IFT88: variants seen among roughly 807,000 people sequenced by gnomAD.
IFT88 encodes the protein intraflagellar transport protein 88 homolog.
IFT88 carries 74 observed loss-of-function variants against 119.5 expected under a neutral mutation model. That is an observed-to-expected ratio of 0.62 (90% CI 0.51 to 0.75). IFT88 has a LOEUF of 0.75. IFT88 is among the 30% of genes least tolerant of loss of function. IFT88 has a pLI of 0.00. For missense variants in IFT88, 961 were observed against 977.7 expected, an observed-to-expected ratio of 0.98 and a Z score of 0.23; for synonymous variants, 279 against 316.7, an observed-to-expected ratio of 0.88 and a Z score of 1.26.
intron 7 of IFT88, among the ~76,000 whole-genome samples, chr13:20,594,334 A>G (rs1163972769): frequency 6.6e-6 from 1 of 152,162 alleles, no homozygotes; most frequent in East Asian, 1.9e-4. Context: ...AAAAGCCAAG[A>G]AGATCTTTCT....
chr13:20,690,781 T>G lies in IFT88; in HGVS notation c.2319T>G (p.Asn773Lys). The G allele has an allele frequency of 6.2e-7, 1 of 1,613,612 alleles. No homozygotes were observed. Among genetic ancestry groups the G allele is most frequent in the South Asian group, 1.1e-5 (1 of 91,066 alleles). Residue 773 changes from asparagine to lysine, a missense_variant, in exon 25 of 26, where the codon AAT becomes AAG. By Grantham distance (94) the Asn-to-Lys change is moderately conservative. Transcript: ENST00000351808. ...SARLRALPGT[N>K]EPYESSSNKE... The stretch of plus-strand genomic sequence containing the variant: ...GACTCAGAGCTTTACCTGGGACAAA[T>G]GAACCTTATGAAAGTAGCAGTAACA...
Position 20,567,211 on chromosome 13 carries a change from T to A in IFT88, c.-52T>A, listed in dbSNP as rs907326957. 2.0e-5 allele frequency: 3 copies of A among 152,294 alleles called. No homozygotes were observed. Among genetic ancestry groups the A allele is most frequent in the Admixed American group, 6.5e-5 (1 of 15,282 alleles). 9.4% of individuals were successfully genotyped at this position (152,294 alleles called of 1,614,324 possible). The stretch of plus-strand genomic sequence containing the variant: ...CGTCGCGCTTTGGCCAACCGCTGCG[T>A]CGTCCCTGGGCCCGAATAACTGTCG... On this transcript the variant is annotated 5_prime_UTR_variant, in exon 1 of 26. Transcript: ENST00000351808.
At chr13:20,688,558 G>A (rs928801287) in intron 24 of IFT88, among the ~76,000 whole-genome samples, 3 of 152,158 alleles carry the variant, frequency 2.0e-5, no homozygotes, top group Non-Finnish European at 4.4e-5. Context: ...GCTACAAGGT[G>A]CCTACAAGAA....
intron 9 of IFT88, among the ~76,000 whole-genome samples, chr13:20,597,788 G>A (rs3002165): frequency 0.92 from 137,388 of 149,346 alleles, 63,285 homozygotes; most frequent in East Asian, 1. Flanking sequence ...TTGATAACTT[G>A]GTAAGTACCT....
intron 15 of IFT88, among the ~76,000 whole-genome samples, chr13:20,626,615 A>G (rs1042717176): frequency 6.6e-6 from 1 of 152,156 alleles, no homozygotes; most frequent in Non-Finnish European, 1.5e-5. Flanking sequence ...GAAGGGTCTC[A>G]TGGCTGTATG....
chr13:20,638,300 A>G (rs1024567759), intron 16 of IFT88, 32 bp from the exon 17 acceptor site: 23 of 1,184,352 alleles, frequency 1.9e-5, no homozygotes, highest in African/African-American at 3.1e-5. Flanking sequence ...ATTTCATGAA[A>G]TTCAAATAAT....
rs745345433 is a variant in IFT88 at position 20,591,607 on chromosome 13, T to G, written c.265-11T>G. On this transcript the variant is annotated splice_polypyrimidine_tract_variant and intron_variant, in intron 5 of 25. Coordinates refer to ENST00000351808, the MANE Select transcript of IFT88 (RefSeq NM_006531.5). ...TTATTTAAGAATAAATGATTCCCAT[T>G]CTCTTTAAAGGATGGAGTTACTAGA... 1.4e-5 allele frequency: 22 copies of G among 1,602,966 alleles called. No homozygotes were observed. The highest frequency in any genetic ancestry group is 3.3e-4 in the Middle Eastern group (2 of 6,028).
chr13:20,652,754 A>T (rs2051990428), intron 20 of IFT88, among the ~76,000 whole-genome samples: 1 of 152,204 alleles, frequency 6.6e-6, no homozygotes, highest in Non-Finnish European at 1.5e-5. Context: ...AAATAATAAT[A>T]CCACATGGTA....
At chr13:20,685,913 C>A (rs1244255654) in intron 24 of IFT88, among the ~76,000 whole-genome samples, 1 of 152,156 alleles carries the variant, frequency 6.6e-6, no homozygotes, top group Non-Finnish European at 1.5e-5. Context: ...ATGCCCATAA[C>A]CTTTGATAGG....
intron 16 of IFT88, chr13:20,631,720 A>G (rs934816114): frequency 6.6e-6 from 1 of 152,390 alleles, no homozygotes; most frequent in African/African-American, 2.4e-5. Context: ...GAATATAGAA[A>G]GGGGCATTTG....
intron 14 of IFT88, among the ~76,000 whole-genome samples, chr13:20,616,658 A>G (rs1162095796): frequency 2.6e-5 from 4 of 152,222 alleles, no homozygotes; most frequent in African/African-American, 7.2e-5. Context: ...ACATATCCCC[A>G]TCATCAAGCG....
At chr13:20,627,755 G>A (rs75062816) in intron 15 of IFT88, among the ~76,000 whole-genome samples, 6 of 132,552 alleles carry the variant, frequency 4.5e-5, no homozygotes, top group African/African-American at 1.5e-4. Context: ...AAAAAAAAAG[G>A]TTAAGAATGC....
rs116136063 is a variant in IFT88, at chr13:20,667,051, G to A, written c.2175+3447G>A. ...CCCATGTCAGTAAATACAGATTTCC[G>A]TCACTTTGTGCTCCATATTTTGTTA... On this transcript the variant is annotated intron_variant, in intron 23 of 25. Coordinates refer to ENST00000351808, the MANE Select transcript of IFT88 (RefSeq NM_006531.5). Among the ~76,000 whole-genome samples, 474 of 152,126 alleles carry A rather than the reference G, an allele frequency of 3.1e-3. 1 individual carries two copies. Among genetic ancestry groups the A allele is most frequent in the African/African-American group, 0.011 (455 of 41,486 alleles).
At chr13:20,618,005 C>T (rs765952001) in intron 14 of IFT88, among the ~76,000 whole-genome samples, 10 of 152,068 alleles carry the variant, frequency 6.6e-5, no homozygotes, top group Non-Finnish European at 1.3e-4. Context: ...GGGCTGGTCT[C>T]GAACTCCTGA....
chr13:20,683,479 A>C (rs1211669076), intron 24 of IFT88, among the ~76,000 whole-genome samples: 1 of 152,212 alleles, frequency 6.6e-6, no homozygotes, highest in Non-Finnish European at 1.5e-5. Context: ...ATTTATAGGT[A>C]CAGAAGTTAT....
At chr13:20,587,019 C>A (rs2039798614) in intron 3 of IFT88, among the ~76,000 whole-genome samples, 1 of 151,940 alleles carries the variant, frequency 6.6e-6, no homozygotes, top group Non-Finnish European at 1.5e-5. Context: ...TATTTAATTT[C>A]CAAACAATAC....
chr13:20,637,975 G>A (rs2049283969), intron 16 of IFT88, among the ~76,000 whole-genome samples: 1 of 152,214 alleles, frequency 6.6e-6, no homozygotes, highest in Non-Finnish European at 1.5e-5. Flanking sequence ...CAGTGTGCTA[G>A]GGGCAAGAAG....
At chr13:20,682,499 G>C (rs2057436665) in intron 24 of IFT88, among the ~76,000 whole-genome samples, 1 of 152,166 alleles carries the variant, frequency 6.6e-6, no homozygotes, top group Non-Finnish European at 1.5e-5. Flanking sequence ...ATGTCCCCTG[G>C]TAATTTTTGA....
chr13:20,597,603 G>T lies in IFT88; in HGVS notation c.594+484G>T, dbSNP rs186313164. Among the ~76,000 whole-genome samples the T allele has an allele frequency of 4.4e-3, 663 of 152,092 alleles. 15 individuals are homozygous for T. Among genetic ancestry groups the T allele is most frequent in the Admixed American group, 0.033 (504 of 15,274 alleles). On this transcript the variant is annotated intron_variant, in intron 9 of 25. Transcript: ENST00000351808. ...ACTAAAAATACAAAAAATTAGCCGG[G>T]TGTGGTGGCGGGCGCCTGTAGTCCC...
Sources: allele counts gnomAD v4.1 joint callset (sites outside exome capture counted in the v4.1 genomes callset), GRCh38; gene constraint gnomAD v4.1.1; transcripts MANE v1.5; gene names NCBI Gene and HGNC (gene_info 2026-07-23, HGNC 2026-07-21).